Variants in SLC19A3 observed in about 807,000 individuals in gnomAD.
SLC19A3 encodes the protein thiamine transporter 2.
In SLC19A3, 31 loss-of-function variants were observed where a neutral mutation model predicts 40.2. The ratio of observed to expected loss-of-function variants is 0.77; its 90% CI spans 0.58 to 1.04. The LOEUF is 1.04. Ranked by LOEUF, SLC19A3 falls within the 50% of genes least tolerant of loss-of-function variation. SLC19A3 has a pLI of 0.00. For missense variants in SLC19A3, 592 were observed against 596.7 expected, an observed-to-expected ratio of 0.99 and a Z score of 0.08; for synonymous variants, 212 against 227.5, an observed-to-expected ratio of 0.93 and a Z score of 0.61.
At chr2:227,709,481 C>T (rs1696064135) in intron 1 of SLC19A3, among the ~76,000 whole-genome samples, 1 of 152,038 alleles carries the variant, frequency 6.6e-6, no homozygotes. Context: ...GAGACTCTGT[C>T]CCAAAAACAA....
chr2:227,698,749 A>C lies in SLC19A3; in HGVS notation c.966T>G (p.Ile322Met). The change falls in exon 3 of 6, where the codon ATT (isoleucine) becomes ATG (methionine). Residue 322 changes from isoleucine (I) to methionine (M), a missense_variant. Physicochemically the swap from Ile to Met is conservative, Grantham distance 10. Transcript: ENST00000644224. ...SSIYNGAVEAIATFGGAVAAF... is the reference protein window; with the variant it reads ...SSIYNGAVEAMATFGGAVAAF... ...ACATTTGCTTACCTCCAAAGGTTGC[A>C]ATAGCTTCTACGGCCCCATTATAGA... The C allele has an allele frequency of 6.2e-7, 1 of 1,613,708 alleles. No individual in the cohort carries two copies.
intron 1 of SLC19A3, among the ~76,000 whole-genome samples, chr2:227,707,414 G>A (rs565637859): frequency 2.6e-5 from 4 of 151,978 alleles, no homozygotes; most frequent in Non-Finnish European, 4.4e-5. Context: ...GTGAAACCCT[G>A]TCTCTACAAA....
chr2:227,710,425 G>T (rs2106340872), intron 1 of SLC19A3, among the ~76,000 whole-genome samples: 1 of 152,196 alleles, frequency 6.6e-6, no homozygotes, highest in Admixed American at 6.5e-5. Context: ...GCTGGGTGCG[G>T]TGGCTTACAC....
In SLC19A3 at chr2:227,699,231, C is replaced by T. The variant is rs1468039885; in HGVS notation, c.484G>A (p.Val162Ile). The T allele has an allele frequency of 1.2e-6, 2 of 1,613,996 alleles. No homozygotes were observed. Among genetic ancestry groups the T allele is most frequent in the African/African-American group, 1.3e-5 (1 of 74,922 alleles). ...TAGSVLAQLLVSLANMSYFYL... is the reference protein window; with the variant it reads ...TAGSVLAQLLISLANMSYFYL... ...AAGTACGACATGTTCGCCAGGGATA[C>T]CAAGAGTTGAGCCAGCACCGACCCT... Residue 162 changes from valine to isoleucine, a missense_variant, in exon 3 of 6, where the codon GTA (valine) becomes ATA (isoleucine). Val to Ile is a conservative substitution (Grantham distance 29, BLOSUM62 3). Transcript: ENST00000644224.
At chr2:227,716,467 C>T (rs1280684815) in intron 1 of SLC19A3, among the ~76,000 whole-genome samples, 1 of 152,118 alleles carries the variant, frequency 6.6e-6, no homozygotes, top group Non-Finnish European at 1.5e-5. Flanking sequence ...CTCAAAAAAA[C>T]CTTTGTCTGC....
At chr2:227,698,512 G>A (rs1695530161) in intron 3 of SLC19A3, among the ~76,000 whole-genome samples, 1 of 151,940 alleles carries the variant, frequency 6.6e-6, no homozygotes, top group African/African-American at 2.4e-5. Context: ...CATTAGCCAG[G>A]ATGGTCTCGA....
chr2:227,700,884 C>A, intron 2 of SLC19A3: 4 of 1,280,756 alleles, frequency 3.1e-6, no homozygotes, highest in Non-Finnish European at 4.1e-6. Context: ...GTGAGTGCCG[C>A]AGCCTCTCAA....
chr2:227,690,471 G>C (rs1365368374), intron 4 of SLC19A3, among the ~76,000 whole-genome samples: 2 of 152,044 alleles, frequency 1.3e-5, no homozygotes, highest in Admixed American at 1.3e-4. Context: ...ACTTTGGGAG[G>C]CCGAGGTGGG....
chr2:227,699,369 C>T lies in SLC19A3; in HGVS notation c.346G>A (p.Val116Ile), dbSNP rs779294877. 1 of 1,614,110 alleles carries T rather than the reference C, an allele frequency of 6.2e-7. No individual in the cohort carries two copies. Among genetic ancestry groups the T allele is most frequent in the South Asian group, 1.1e-5 (1 of 91,078 alleles). ...TAGTAGGCCACCTCGGCGGCGGTGA[C>T]CATCCCATAGAAGAACTCTACAACC... Reference protein sequence around the residue: ...MQVVEFFYGMVTAAEVAYYAY... With the variant: ...MQVVEFFYGMITAAEVAYYAY... The change falls in exon 3 of 6, where the codon GTC becomes ATC. Residue 116 changes from valine (V) to isoleucine (I), a missense_variant. Physicochemically the swap from Val to Ile is conservative, Grantham distance 29. Coordinates refer to ENST00000644224, the MANE Select transcript of SLC19A3 (RefSeq NM_025243.4).
intron 5 of SLC19A3, 73 bp from the exon 6 acceptor site, chr2:227,687,646 G>A: frequency 6.6e-7 from 1 of 1,520,364 alleles, no homozygotes; most frequent in Non-Finnish European, 9.0e-7. Context: ...TCCTAATACT[G>A]TTGGTTTGCT....
chr2:227,699,321 T>C lies in SLC19A3; in HGVS notation c.394A>G (p.Ser132Gly). 6.2e-7 allele frequency: 1 copy of C among 1,614,198 alleles called. No homozygotes were observed. Among genetic ancestry groups the C allele is most frequent in the South Asian group, 1.1e-5 (1 of 91,088 alleles). Residue 132 changes from serine to glycine, a missense_variant, in exon 3 of 6, where the codon AGC becomes GGC. Physicochemically the swap from Ser to Gly is moderately conservative, Grantham distance 56. Transcript: ENST00000644224. ...AYYAYIYSVV[S>G]PEHYQRVSGY... ...CTCACTCTCTGGTAGTGCTCGGGGC[T>C]GACCACGCTGTATATGTAGGCGTAG...
At chr2:227,694,999 G>A (rs919519012) in intron 4 of SLC19A3, among the ~76,000 whole-genome samples, 1 of 151,960 alleles carries the variant, frequency 6.6e-6, no homozygotes, top group African/African-American at 2.4e-5. Context: ...GATCAAGATT[G>A]TGGTGTGCTA....
Position 227,699,333 on chromosome 2 carries a change from A to G in SLC19A3, c.382T>C (p.Tyr128His), listed in dbSNP as rs1423798302. The G allele has an allele frequency of 2.7e-5, 43 of 1,614,056 alleles. 1 individual carries two copies. In the Admixed American group the frequency reaches 7.2e-4, roughly 27 times the overall value. The change falls in exon 3 of 6, where the codon TAC (tyrosine) becomes CAC (histidine). Residue 128 changes from tyrosine to histidine, a missense_variant. Coordinates refer to ENST00000644224, the MANE Select transcript of SLC19A3 (RefSeq NM_025243.4). ...TAGTGCTCGGGGCTGACCACGCTGT[A>G]TATGTAGGCGTAGTAGGCCACCTCG... ...AAEVAYYAYI[Y>H]SVVSPEHYQR...
chr2:227,714,503 G>T (rs1696260184), intron 1 of SLC19A3: 2 of 985,038 alleles, frequency 2.0e-6, no homozygotes, highest in African/African-American at 3.5e-5. Context: ...CTGGCTTCCT[G>T]CCTTCAGGTC....
intron 1 of SLC19A3, among the ~76,000 whole-genome samples, chr2:227,717,163 C>A (rs1433468645): frequency 6.6e-6 from 1 of 151,912 alleles, no homozygotes; most frequent in Admixed American, 6.6e-5. Flanking sequence ...CCACCATGCC[C>A]GGCTAATTTT....
At chr2:227,688,804 G>A (rs2106318758) in intron 4 of SLC19A3, among the ~76,000 whole-genome samples, 2 of 152,216 alleles carry the variant, frequency 1.3e-5, no homozygotes, top group Admixed American at 1.3e-4. Context: ...ACCAATCCTG[G>A]AGAAACATAT....
intron 1 of SLC19A3, among the ~76,000 whole-genome samples, chr2:227,714,175 T>C (rs17372407): frequency 0.15 from 22,084 of 152,206 alleles, 2,057 homozygotes; most frequent in South Asian, 0.32. Context: ...TTTTACTGTG[T>C]ACAACTCTCT....
rs957778518 is a variant in SLC19A3 at position 227,703,535 on chromosome 2, C to T, written c.-2-1215G>A. 2.0e-5 allele frequency among the ~76,000 whole-genome samples: 3 copies of T among 152,222 alleles called. No individual in the cohort carries two copies. The highest frequency in any genetic ancestry group is 7.2e-5 in the African/African-American group (3 of 41,452). ...CGATCAGATTTTGAAACTAGGATTA[C>T]AGCATCAGTGAGCAATGCTGACAAT... On this transcript the variant is annotated intron_variant, in intron 1 of 5. Transcript: ENST00000644224. The surrounding 1 kb of genome is among the most constrained non-coding windows in gnomAD (Gnocchi z 4.7).
At chr2:227,694,173 A>T (rs563544387) in intron 4 of SLC19A3, among the ~76,000 whole-genome samples, 43 of 152,162 alleles carry the variant, frequency 2.8e-4, no homozygotes, top group Non-Finnish European at 4.3e-4. Flanking sequence ...TGCCCAGCTA[A>T]TTTTTGTATT....
Sources: allele counts gnomAD v4.1 joint callset (sites outside exome capture counted in the v4.1 genomes callset), GRCh38; gene constraint gnomAD v4.1.1; non-coding constraint Gnocchi (gnomAD v3.1); transcripts MANE v1.5; gene names NCBI Gene and HGNC (gene_info 2026-07-23, HGNC 2026-07-21).